Variants in CNTNAP2 observed in about 807,000 individuals in gnomAD.
CNTNAP2 encodes the protein contactin associated protein 2.
Under a neutral mutation model 155.2 loss-of-function variants are expected in CNTNAP2, and 98 were observed. The observed-to-expected ratio is 0.63, with a 90% CI of 0.54 to 0.75. The LOEUF (loss-of-function observed/expected upper bound fraction) is 0.75. Ranked by LOEUF, CNTNAP2 falls within the 30% of genes least tolerant of loss-of-function variation. The pLI is 0.00. For missense variants in CNTNAP2, 1,727 were observed against 1,688.1 expected (o/e 1.02, Z -0.40); for synonymous variants, 651 against 631.2 (o/e 1.03, Z -0.47).
intron 13 of CNTNAP2, 116 bp from the exon 14 acceptor site, chr7:147,903,449 G>C: frequency 8.8e-7 from 1 of 1,134,228 alleles, no homozygotes; most frequent in Non-Finnish European, 1.3e-6. Flanking sequence ...TGACTTTTAA[G>C]AGGGTTGAGT....
At chr7:147,099,212 CG>C (rs1800607362) in intron 4 of CNTNAP2, among the ~76,000 whole-genome samples, 1 of 152,136 alleles carries the variant, frequency 6.6e-6, no homozygotes, top group East Asian at 1.9e-4. Context: ...ATAGGGAAGA[CG>C]GATCATGGTC....
rs142976504 is a variant in CNTNAP2 at position 148,268,610 on chromosome 7, A to C, written c.3475+1484A>C. ...GCGGAGCTTACAGTGAGCCGAGATC[A>C]CGCCACTGCACCCCAGCCTGGGCGA... On this transcript the variant is annotated intron_variant, in intron 21 of 23. Transcript: ENST00000361727. Among the ~76,000 whole-genome samples, 1,312 of 151,926 alleles carry C rather than the reference A, an allele frequency of 8.6e-3. 24 individuals are homozygous for C. The highest frequency in any genetic ancestry group is 0.03 in the African/African-American group (1,235 of 41,412).
At chr7:146,304,925 T>A (rs1325270779) in intron 1 of CNTNAP2, among the ~76,000 whole-genome samples, 1 of 152,160 alleles carries the variant, frequency 6.6e-6, no homozygotes, top group Non-Finnish European at 1.5e-5. Context: ...GTAGATTTGG[T>A]CTTTTCACAT....
At chr7:147,445,057 A>G (rs931845415) in intron 10 of CNTNAP2, among the ~76,000 whole-genome samples, 3 of 152,186 alleles carry the variant, frequency 2.0e-5, no homozygotes, top group Non-Finnish European at 4.4e-5. Flanking sequence ...CAGCAAGAGA[A>G]GAATCCGCCC....
chr7:146,128,191 A>C (rs1797664248), intron 1 of CNTNAP2, among the ~76,000 whole-genome samples: 1 of 152,208 alleles, frequency 6.6e-6, no homozygotes, highest in African/African-American at 2.4e-5. Flanking sequence ...TTAGGCTGAT[A>C]GGTATTAGGG....
intron 4 of CNTNAP2, among the ~76,000 whole-genome samples, chr7:147,104,394 G>C (rs535495300): frequency 5.0e-4 from 76 of 151,748 alleles, no homozygotes; most frequent in Non-Finnish European, 9.9e-4. Flanking sequence ...ACTATATACA[G>C]TATTATCCAT....
At chr7:147,008,844 T>C (rs747931033) in intron 3 of CNTNAP2, among the ~76,000 whole-genome samples, 1 of 152,106 alleles carries the variant, frequency 6.6e-6, no homozygotes, top group East Asian at 1.9e-4. Flanking sequence ...ATAAAGTGGT[T>C]ATTCTTTTTC....
chr7:146,924,038 T>C (rs1796557575), intron 3 of CNTNAP2, among the ~76,000 whole-genome samples: 2 of 152,078 alleles, frequency 1.3e-5, no homozygotes, highest in African/African-American at 4.8e-5. Flanking sequence ...AGTATATGTT[T>C]TTTTTCTTCT....
intron 1 of CNTNAP2, among the ~76,000 whole-genome samples, chr7:146,273,492 A>G (rs907960261): frequency 3.9e-5 from 6 of 152,172 alleles, no homozygotes; most frequent in Non-Finnish European, 5.9e-5. Context: ...AAAATCAGCC[A>G]TGGATTATAC....
chr7:147,668,325 A>T (rs2116962289), intron 13 of CNTNAP2, among the ~76,000 whole-genome samples: 1 of 152,350 alleles, frequency 6.6e-6, no homozygotes, highest in South Asian at 2.1e-4. Flanking sequence ...TGATAAGAAA[A>T]TCTATGATTA....
At chr7:147,722,634 G>T (rs1796581722) in intron 13 of CNTNAP2, among the ~76,000 whole-genome samples, 1 of 152,090 alleles carries the variant, frequency 6.6e-6, no homozygotes, top group African/African-American at 2.4e-5. Context: ...TGTTATGAGA[G>T]ACCTATTCCA....
intron 10 of CNTNAP2, among the ~76,000 whole-genome samples, chr7:147,404,654 C>T (rs909214672): frequency 2.0e-5 from 3 of 152,142 alleles, no homozygotes; most frequent in African/African-American, 7.2e-5. Context: ...CTTTATTGGC[C>T]TTCCATGCTA....
At chr7:146,974,041 A>T (rs1466433081) in intron 3 of CNTNAP2, among the ~76,000 whole-genome samples, 2 of 152,190 alleles carry the variant, frequency 1.3e-5, no homozygotes, top group Non-Finnish European at 2.9e-5. Flanking sequence ...AGGGAGATAG[A>T]TTCTCACTTT....
chr7:147,272,915 T>A (rs1563141964), intron 8 of CNTNAP2, among the ~76,000 whole-genome samples: 1 of 152,172 alleles, frequency 6.6e-6, no homozygotes, highest in Non-Finnish European at 1.5e-5. Context: ...TTGAGTGAAG[T>A]TATCTGAGGT....
intron 9 of CNTNAP2, among the ~76,000 whole-genome samples, chr7:147,339,956 C>A (rs983184769): frequency 6.6e-6 from 1 of 152,152 alleles, no homozygotes; most frequent in African/African-American, 2.4e-5. Flanking sequence ...TCCTGCACTG[C>A]AGTAAGCAGC....
At chr7:147,469,550 G>A (rs1291963507) in intron 10 of CNTNAP2, among the ~76,000 whole-genome samples, 1 of 79,564 alleles carries the variant, frequency 1.3e-5, no homozygotes, top group African/African-American at 4.3e-5. Context: ...ACAAAGTCTC[G>A]CTCTGCCGCC....
At chr7:147,549,176 A>G in intron 11 of CNTNAP2, among the ~76,000 whole-genome samples, 1 of 152,200 alleles carries the variant, frequency 6.6e-6, no homozygotes, top group African/African-American at 2.4e-5. Flanking sequence ...TATTGAATCT[A>G]TAAATTACTT....
intron 2 of CNTNAP2, among the ~76,000 whole-genome samples, chr7:146,775,235 A>G (rs1772693085): frequency 6.6e-6 from 1 of 152,154 alleles, no homozygotes. Flanking sequence ...AGTTTTGGAT[A>G]TCTATTGTGT....
intron 8 of CNTNAP2, among the ~76,000 whole-genome samples, chr7:147,287,641 A>C (rs1805209885): frequency 6.6e-6 from 1 of 152,064 alleles, no homozygotes; most frequent in Non-Finnish European, 1.5e-5. Flanking sequence ...TTGTATCTCC[A>C]GACTACATTT....
Sources: gnomAD v4.1 joint callset for allele counts (sites outside exome capture counted in the v4.1 genomes callset) on GRCh38, gnomAD v4.1.1 for gene constraint, MANE v1.5 for transcripts, NCBI Gene and HGNC (gene_info 2026-07-23, HGNC 2026-07-21) for gene names.